VPS13B: variants seen among roughly 807,000 people sequenced by gnomAD.
VPS13B encodes intermembrane lipid transfer protein VPS13B.
In VPS13B, 285 loss-of-function variants were observed where a neutral mutation model predicts 426.4. That is an observed-to-expected ratio of 0.67 (90% CI 0.61 to 0.74). VPS13B has a LOEUF of 0.74. VPS13B is among the 30% of genes least tolerant of loss of function. The pLI is 0.00. For synonymous variants in VPS13B, 1,676 were observed against 1,676.4 expected, an observed-to-expected ratio of 1.00 and a Z score of 0.01; for missense variants, 4,537 against 4,782.6, an observed-to-expected ratio of 0.95 and a Z score of 1.51.
Position 99,588,251 on chromosome 8 carries a change from C to T in VPS13B, c.5220+10618C>T, listed in dbSNP as rs372472252. 1.6e-3 allele frequency among the ~76,000 whole-genome samples: 240 copies of T among 151,648 alleles called. 9 individuals are homozygous for T. The East Asian group carries it at 0.038, about 24-fold the overall frequency. On this transcript the variant is annotated intron_variant, in intron 33 of 61. Transcript: ENST00000357162. Reference sequence around the variant, plus strand: ...TAGTATAGTTTGAAGTCAGGTAGCACGATGCCTCCAGCTTTGTTCTTTTTG... The same window carrying T: ...TAGTATAGTTTGAAGTCAGGTAGCATGATGCCTCCAGCTTTGTTCTTTTTG...
At chr8:99,443,799 T>G (rs1817787419) in intron 23 of VPS13B, among the ~76,000 whole-genome samples, 1 of 152,166 alleles carries the variant, frequency 6.6e-6, no homozygotes, top group Non-Finnish European at 1.5e-5. Context: ...AGGATTTTTG[T>G]GTGGATTTGT....
chr8:99,593,067 T>A (rs1398495217), intron 33 of VPS13B, among the ~76,000 whole-genome samples: 6 of 151,968 alleles, frequency 3.9e-5, no homozygotes, highest in Non-Finnish European at 7.4e-5. Context: ...ACAAATGGGA[T>A]CTAATTAAAC....
At chr8:99,223,200 A>G (rs1815826294) in intron 17 of VPS13B, among the ~76,000 whole-genome samples, 1 of 152,226 alleles carries the variant, frequency 6.6e-6, no homozygotes, top group South Asian at 2.1e-4. Flanking sequence ...ACTGTGTATT[A>G]GGAAAAATAT....
chr8:99,516,787 CAAAAAAAAAAA>C (rs528490868), intron 29 of VPS13B, among the ~76,000 whole-genome samples: 34 of 16,704 alleles, frequency 2.0e-3, no homozygotes, highest in African/African-American at 5.7e-3. Flanking sequence ...GACCGTGTCT[CAAAAAAAAAAA>C]AAAAAAAAAA....
At chr8:99,206,984 G>A (rs930922870) in intron 17 of VPS13B, among the ~76,000 whole-genome samples, 2 of 152,082 alleles carry the variant, frequency 1.3e-5, no homozygotes, top group African/African-American at 4.8e-5. Flanking sequence ...AGTTAGATTT[G>A]TATTGAGAAC....
At position 99,021,713 on chromosome 8, in the gene VPS13B, C is replaced by T. The variant is rs190224633; in HGVS notation, c.147+7778C>T. ...GATCATAGCTCACTGCAGTCTTGACCTCCCAGGCTCAAGCTATCTTCCCAC... is the reference window on the plus strand; with the variant it reads ...GATCATAGCTCACTGCAGTCTTGACTTCCCAGGCTCAAGCTATCTTCCCAC... On this transcript the variant is annotated intron_variant, in intron 2 of 61. Coordinates refer to ENST00000357162, the MANE Select transcript of VPS13B (RefSeq NM_152564.5). Among the ~76,000 whole-genome samples the T allele has an allele frequency of 1.4e-4, 22 of 152,238 alleles. No homozygotes were observed. The East Asian group carries it at 3.7e-3, about 25-fold the overall frequency.
intron 20 of VPS13B, among the ~76,000 whole-genome samples, chr8:99,388,264 G>T (rs1405032085): frequency 6.6e-6 from 1 of 152,048 alleles, no homozygotes; most frequent in Admixed American, 6.6e-5. Context: ...GGGAGGAAAG[G>T]GCAGTAGGTT....
At chr8:99,808,081 A>G (rs945793189) in intron 43 of VPS13B, among the ~76,000 whole-genome samples, 1 of 152,150 alleles carries the variant, frequency 6.6e-6, no homozygotes, top group South Asian at 2.1e-4. Context: ...TGATAGTCTT[A>G]CAGGAGGTTT....
At chr8:99,324,595 T>G (rs1011908777) in intron 19 of VPS13B, among the ~76,000 whole-genome samples, 2 of 152,182 alleles carry the variant, frequency 1.3e-5, no homozygotes, top group Non-Finnish European at 2.9e-5. Context: ...CATGAGATTT[T>G]GTCTGAAAAA....
At chr8:99,516,542 A>C (rs1822080489) in intron 29 of VPS13B, among the ~76,000 whole-genome samples, 1 of 151,994 alleles carries the variant, frequency 6.6e-6, no homozygotes, top group Non-Finnish European at 1.5e-5. Flanking sequence ...TAATACCAGC[A>C]CTTTGGGAGG....
At chr8:99,210,768 G>A (rs1045763571) in intron 17 of VPS13B, among the ~76,000 whole-genome samples, 1 of 152,038 alleles carries the variant, frequency 6.6e-6, no homozygotes, top group Admixed American at 6.6e-5. Context: ...AGCATGGCCA[G>A]CTAATTTTTT....
chr8:99,181,592 T>C (rs1275794340), intron 16 of VPS13B, among the ~76,000 whole-genome samples: 1 of 152,218 alleles, frequency 6.6e-6, no homozygotes, highest in Non-Finnish European at 1.5e-5. Context: ...AAATATGAGC[T>C]GCTTTGAATA....
intron 36 of VPS13B, among the ~76,000 whole-genome samples, chr8:99,715,915 T>A (rs1232712027): frequency 6.6e-6 from 1 of 152,174 alleles, no homozygotes; most frequent in Non-Finnish European, 1.5e-5. Context: ...TGGACTGAAG[T>A]TAATAAAGAT....
chr8:99,641,587 A>G (rs1354409559), intron 33 of VPS13B, among the ~76,000 whole-genome samples: 3 of 152,214 alleles, frequency 2.0e-5, no homozygotes, highest in Non-Finnish European at 2.9e-5. Flanking sequence ...AATGATGGAA[A>G]TGAACATTAG....
At chr8:99,327,787 T>C (rs1810352940) in intron 19 of VPS13B, among the ~76,000 whole-genome samples, 1 of 152,226 alleles carries the variant, frequency 6.6e-6, no homozygotes, top group Admixed American at 6.6e-5. Flanking sequence ...GTATGATTTC[T>C]ATCTGTATCT....
At chr8:99,390,354 C>T (rs1484586247) in intron 20 of VPS13B, among the ~76,000 whole-genome samples, 1 of 152,158 alleles carries the variant, frequency 6.6e-6, no homozygotes, top group African/African-American at 2.4e-5. Flanking sequence ...CCGTCCGCCT[C>T]AGCCTCCCAA....
intron 33 of VPS13B, among the ~76,000 whole-genome samples, chr8:99,618,001 C>T (rs1588555314): frequency 1.3e-5 from 2 of 152,078 alleles, no homozygotes; most frequent in South Asian, 2.1e-4. Context: ...AAAATGTACC[C>T]ATCTTGGTAA....
rs1817749034 is a variant in VPS13B, at chr8:99,877,569, CT to C, written c.*1904del. On this transcript the variant is annotated 3_prime_UTR_variant, in exon 62 of 62. Coordinates refer to ENST00000357162, the MANE Select transcript of VPS13B (RefSeq NM_152564.5). ...TACAGGTTTTGTTATAATAAAGTTA[CT>C]GATTAAATTAGCTTTGAATAAGTGT... 6.6e-6 allele frequency: 1 copy of C among 152,206 alleles called. No homozygotes were observed. The highest frequency in any genetic ancestry group is 2.4e-5 in the African/African-American group (1 of 41,414). 9.4% of individuals were successfully genotyped at this position (152,206 alleles called of 1,614,324 possible).
chr8:99,138,565 T>A (rs756010906), intron 12 of VPS13B, among the ~76,000 whole-genome samples: 1 of 152,224 alleles, frequency 6.6e-6, no homozygotes, highest in Non-Finnish European at 1.5e-5. Flanking sequence ...ATTTAAATAG[T>A]TTACTAGATT....
Sources: gnomAD v4.1 joint callset for allele counts (sites outside exome capture counted in the v4.1 genomes callset) on GRCh38, gnomAD v4.1.1 for gene constraint, MANE v1.5 for transcripts, NCBI Gene and HGNC (gene_info 2026-07-23, HGNC 2026-07-21) for gene names.